MTUS2: variants seen among roughly 807,000 people sequenced by gnomAD.
MTUS2 encodes microtubule associated scaffold protein 2, also known as microtubule-associated tumor suppressor candidate 2.
Under a neutral mutation model 114.1 loss-of-function variants are expected in MTUS2, and 40 were observed. That is an observed-to-expected ratio of 0.35 (90% CI 0.27 to 0.46). MTUS2 has a LOEUF of 0.46. Among genes scored for constraint, MTUS2 ranks in the 20% least tolerant of loss-of-function variants. The pLI, the probability that MTUS2 is intolerant of heterozygous loss-of-function variation, is 1.00. For synonymous variants in MTUS2, 688 were observed against 672.0 expected, an observed-to-expected ratio of 1.02 and a Z score of -0.37; for missense variants, 1,679 against 1,705.4, an observed-to-expected ratio of 0.98 and a Z score of 0.27.
intron 8 of MTUS2, among the ~76,000 whole-genome samples, chr13:29,402,922 A>C (rs1874455479): frequency 6.6e-6 from 1 of 151,968 alleles, no homozygotes; most frequent in Admixed American, 6.6e-5. Context: ...TTTTTAGTAG[A>C]GATGAGGTTT....
chr13:29,058,706 C>T (rs1378258424), intron 4 of MTUS2, among the ~76,000 whole-genome samples: 2 of 128,130 alleles, frequency 1.6e-5, no homozygotes, highest in African/African-American at 6.2e-5. Flanking sequence ...AATGCTATCC[C>T]TCCCCCCTCC....
chr13:28,975,375 T>C (rs903463364), intron 2 of MTUS2, among the ~76,000 whole-genome samples: 5 of 152,228 alleles, frequency 3.3e-5, no homozygotes, highest in African/African-American at 1.2e-4. Context: ...TGCCCGGCCC[T>C]GAAGTCCTGT....
At chr13:29,492,514 C>T (rs1593514103) in intron 11 of MTUS2, 132 bp from the exon 12 acceptor site, 2 of 645,286 alleles carry the variant, frequency 3.1e-6, no homozygotes, top group East Asian at 5.5e-5. Context: ...GGAGGAGTCC[C>T]CTTAGGCTTG....
At chr13:29,196,892 A>G (rs1894726238) in intron 5 of MTUS2, among the ~76,000 whole-genome samples, 1 of 152,186 alleles carries the variant, frequency 6.6e-6, no homozygotes, top group Non-Finnish European at 1.5e-5. Flanking sequence ...GCTATTTCGA[A>G]TAAGGCTGCT....
At chr13:29,453,381 G>T (rs932869030) in intron 9 of MTUS2, among the ~76,000 whole-genome samples, 1 of 152,196 alleles carries the variant, frequency 6.6e-6, no homozygotes, top group Non-Finnish European at 1.5e-5. Flanking sequence ...GAATTCAACT[G>T]CTTCATTTTA....
At chr13:29,414,468 TAAAA>T (rs67181675) in intron 8 of MTUS2, among the ~76,000 whole-genome samples, 18 of 126,790 alleles carry the variant, frequency 1.4e-4, no homozygotes, top group East Asian at 4.7e-4. Context: ...AAAAAAAAAT[TAAAA>T]AAAAAAAAAA....
At chr13:29,337,898 C>T (rs1449684660) in intron 7 of MTUS2, among the ~76,000 whole-genome samples, 1 of 151,272 alleles carries the variant, frequency 6.6e-6, no homozygotes, top group Admixed American at 6.6e-5. Context: ...AAGCAATTCT[C>T]CTGCCTCAGC....
intron 4 of MTUS2, among the ~76,000 whole-genome samples, chr13:29,042,802 C>T (rs1887432716): frequency 6.6e-6 from 1 of 152,048 alleles, no homozygotes; most frequent in Non-Finnish European, 1.5e-5. Context: ...TCTGTGGTAG[C>T]AGTTATAATA....
At chr13:29,381,228 T>C (rs938357952) in intron 8 of MTUS2, among the ~76,000 whole-genome samples, 1 of 152,050 alleles carries the variant, frequency 6.6e-6, no homozygotes, top group Non-Finnish European at 1.5e-5. Context: ...GGAAAAAACT[T>C]AGGACAGATA....
intron 4 of MTUS2, among the ~76,000 whole-genome samples, chr13:29,088,566 G>C (rs751608622): frequency 1.3e-5 from 2 of 152,164 alleles, no homozygotes; most frequent in Non-Finnish European, 2.9e-5. Context: ...TGTCAGTTAG[G>C]TGTTGAAGTC....
chr13:29,448,956 G>T (rs1451085669), intron 9 of MTUS2, among the ~76,000 whole-genome samples: 1 of 151,882 alleles, frequency 6.6e-6, no homozygotes, highest in Non-Finnish European at 1.5e-5. Flanking sequence ...GTTTCGCCAT[G>T]TTTGCCAGGC....
chr13:28,875,394 A>G (rs1019493265), intron 2 of MTUS2, among the ~76,000 whole-genome samples: 1 of 152,252 alleles, frequency 6.6e-6, no homozygotes, highest in Non-Finnish European at 1.5e-5. Context: ...TTGGTTCTTG[A>G]TTAGAGAAGC....
At chr13:29,487,760 A>G in intron 10 of MTUS2, 140 bp from the exon 11 acceptor site, 1 of 704,162 alleles carries the variant, frequency 1.4e-6, no homozygotes, top group African/African-American at 1.7e-5. Context: ...CATCACCACC[A>G]AAGTCCAGCT....
intron 5 of MTUS2, among the ~76,000 whole-genome samples, chr13:29,215,515 T>C (rs1392241508): frequency 6.7e-6 from 1 of 148,474 alleles, no homozygotes; most frequent in East Asian, 2.0e-4. Context: ...TGTGGATTTA[T>C]CTACCTTTGA....
chr13:29,432,130 G>A (rs1877046093), intron 8 of MTUS2, among the ~76,000 whole-genome samples: 1 of 151,066 alleles, frequency 6.6e-6, no homozygotes, highest in African/African-American at 2.4e-5. Context: ...TGGGATAATA[G>A]GTGTGAGCCA....
intron 8 of MTUS2, among the ~76,000 whole-genome samples, chr13:29,408,967 A>G (rs540636925): frequency 3.3e-4 from 50 of 152,328 alleles, no homozygotes; most frequent in African/African-American, 1.2e-3. Flanking sequence ...CTATTATTAC[A>G]CACAATATAC....
intron 5 of MTUS2, among the ~76,000 whole-genome samples, chr13:29,207,397 G>T (rs1204695638): frequency 6.6e-6 from 1 of 152,062 alleles, no homozygotes; most frequent in African/African-American, 2.4e-5. Flanking sequence ...CTTCTTTACT[G>T]ATTTGGATGC....
At chr13:29,279,137 C>G (rs1252924381) in intron 5 of MTUS2, among the ~76,000 whole-genome samples, 1 of 152,154 alleles carries the variant, frequency 6.6e-6, no homozygotes, top group Non-Finnish European at 1.5e-5. Context: ...CTCACAACAG[C>G]TCTGTGAGGT....
intron 4 of MTUS2, among the ~76,000 whole-genome samples, chr13:29,034,344 A>T (rs1886966538): frequency 1.3e-5 from 2 of 152,188 alleles, no homozygotes; most frequent in African/African-American, 4.8e-5. Flanking sequence ...TGTTACTACC[A>T]TCCAGCTTTT....
Sources: gnomAD v4.1 joint callset for allele counts (sites outside exome capture counted in the v4.1 genomes callset) on GRCh38, gnomAD v4.1.1 for gene constraint, MANE v1.5 for transcripts, NCBI Gene and HGNC (gene_info 2026-07-23, HGNC 2026-07-21) for gene names.